The following GPC5 variants were observed in gnomAD, a reference collection of about 807,000 sequenced individuals.
GPC5 encodes the protein glypican-5.
In GPC5, 47 loss-of-function variants were observed where a neutral mutation model predicts 53.9. The observed-to-expected ratio is 0.87, with a 90% CI of 0.69 to 1.11. The LOEUF (loss-of-function observed/expected upper bound fraction) is 1.11, where lower values mean the gene tolerates loss of function less well. Ranked by LOEUF, GPC5 falls within the 50% of genes most tolerant of loss-of-function variation. The pLI, the probability that GPC5 is intolerant of heterozygous loss-of-function variation, is 0.00. For missense variants in GPC5, 748 were observed against 713.1 expected (o/e 1.05, Z -0.56); for synonymous variants, 286 against 263.3 (o/e 1.09, Z -0.84).
At chr13:92,026,178 T>C (rs980440665) in intron 6 of GPC5, among the ~76,000 whole-genome samples, 1 of 152,078 alleles carries the variant, frequency 6.6e-6, no homozygotes, top group South Asian at 2.1e-4. Flanking sequence ...TCTAGAGAAG[T>C]GGTACATATT....
intron 6 of GPC5, among the ~76,000 whole-genome samples, chr13:91,980,602 G>A (rs1347176691): frequency 6.9e-6 from 1 of 145,226 alleles, no homozygotes; most frequent in African/African-American, 2.9e-5. Flanking sequence ...ATCCCTCGAT[G>A]TCCGATGTCC....
At chr13:92,692,761 T>TA in intron 7 of GPC5, among the ~76,000 whole-genome samples, 1 of 143,794 alleles carries the variant, frequency 7.0e-6, no homozygotes, top group South Asian at 2.4e-4. Context: ...GCTATTTTTT[T>TA]TTTTTTTTTT....
chr13:92,673,363 C>A (rs1886821351), intron 7 of GPC5, among the ~76,000 whole-genome samples: 1 of 151,218 alleles, frequency 6.6e-6, no homozygotes, highest in South Asian at 2.1e-4. Context: ...CTCATTGCAA[C>A]CTCCACCTCC....
chr13:91,445,183 C>T (rs1184716151), intron 1 of GPC5, among the ~76,000 whole-genome samples: 1 of 152,178 alleles, frequency 6.6e-6, no homozygotes, highest in Non-Finnish European at 1.5e-5. Context: ...TTCACCTTTT[C>T]ACTTAAGCGA....
In GPC5 at chr13:91,556,674, C is replaced by T. The variant is rs371460140; in HGVS notation, c.325+107752C>T. 2.0e-4 allele frequency among the ~76,000 whole-genome samples: 30 copies of T among 151,818 alleles called. No individual in the cohort carries two copies. The East Asian group carries it at 5.7e-3, about 29-fold the overall frequency. ...AACAAAATGATGGCATTCACAGCAACCTGTATAGAACTGGAGACATTATTC... is the reference window on the plus strand; with the variant it reads ...AACAAAATGATGGCATTCACAGCAATCTGTATAGAACTGGAGACATTATTC... On this transcript the variant is annotated intron_variant, in intron 2 of 7. Transcript: ENST00000377067.
At chr13:92,291,047 G>A (rs956838150) in intron 7 of GPC5, among the ~76,000 whole-genome samples, 13 of 152,290 alleles carry the variant, frequency 8.5e-5, no homozygotes, top group Non-Finnish European at 1.8e-4. Context: ...CAGCTGCTGT[G>A]CTCAATTTCT....
intron 6 of GPC5, among the ~76,000 whole-genome samples, chr13:91,958,962 C>T (rs1186537377): frequency 6.6e-6 from 1 of 151,096 alleles, no homozygotes; most frequent in African/African-American, 2.4e-5. Flanking sequence ...AATAATGCAC[C>T]TTGAGTAACT....
intron 7 of GPC5, among the ~76,000 whole-genome samples, chr13:92,672,276 T>C (rs1224728325): frequency 2.0e-5 from 3 of 152,142 alleles, no homozygotes; most frequent in African/African-American, 4.8e-5. Context: ...GATTGCAAAA[T>C]TTTCAAAACT....
chr13:92,144,798 A>G lies in GPC5; in HGVS notation c.1402-32A>G, dbSNP rs201259149. On this transcript the variant is annotated intron_variant, in intron 6 of 7. Transcript: ENST00000377067. ...AATTCTTATGTTATTCAAATTTGCT[A>G]TTAGTAAAGGCCTTTCTTTATGTAC... 57 of 1,586,812 alleles carry G rather than the reference A, an allele frequency of 3.6e-5. No individual in the cohort carries two copies. The East Asian group carries it at 1.1e-3, about 31-fold the overall frequency.
intron 7 of GPC5, among the ~76,000 whole-genome samples, chr13:92,304,106 A>G (rs1002877272): frequency 6.6e-6 from 1 of 152,096 alleles, no homozygotes; most frequent in African/African-American, 2.4e-5. Context: ...GGTTGGCTGT[A>G]TATGGTGAAC....
At chr13:91,405,489 T>C (rs1215290958) in intron 1 of GPC5, among the ~76,000 whole-genome samples, 3 of 152,192 alleles carry the variant, frequency 2.0e-5, no homozygotes, top group Non-Finnish European at 2.9e-5. Context: ...TATCTTAGCT[T>C]AAATGTCAGC....
chr13:92,680,641 C>G (rs746402903), intron 7 of GPC5, among the ~76,000 whole-genome samples: 3 of 152,034 alleles, frequency 2.0e-5, no homozygotes, highest in Non-Finnish European at 2.9e-5. Flanking sequence ...CACAATGCAC[C>G]TAATGGTTAA....
intron 2 of GPC5, among the ~76,000 whole-genome samples, chr13:91,481,670 G>A (rs535360140): frequency 2.0e-5 from 3 of 152,138 alleles, no homozygotes; most frequent in East Asian, 1.9e-4. Flanking sequence ...CTTAATTATC[G>A]AAAGCTGCTG....
intron 7 of GPC5, among the ~76,000 whole-genome samples, chr13:92,202,187 G>T (rs1351924221): frequency 1.3e-5 from 2 of 152,154 alleles, no homozygotes; most frequent in Non-Finnish European, 2.9e-5. Context: ...TGTAACTGTA[G>T]CTTGGTCATT....
chr13:92,791,285 A>G (rs1876451451), intron 7 of GPC5, among the ~76,000 whole-genome samples: 1 of 152,110 alleles, frequency 6.6e-6, no homozygotes, highest in Admixed American at 6.6e-5. Flanking sequence ...CTAACTAAAA[A>G]TTTAGCTGGG....
intron 5 of GPC5, among the ~76,000 whole-genome samples, chr13:91,816,823 C>G (rs1193162487): frequency 2.0e-5 from 3 of 152,082 alleles, no homozygotes; most frequent in South Asian, 2.1e-4. Context: ...TTGAGGTTAG[C>G]AATCATGTGT....
chr13:91,982,561 A>G (rs2040368939), intron 6 of GPC5, among the ~76,000 whole-genome samples: 1 of 152,214 alleles, frequency 6.6e-6, no homozygotes, highest in African/African-American at 2.4e-5. Flanking sequence ...ATTAACATAC[A>G]AAGAGTGAGT....
intron 7 of GPC5, among the ~76,000 whole-genome samples, chr13:92,738,054 G>C (rs1301523186): frequency 6.6e-6 from 1 of 151,862 alleles, no homozygotes; most frequent in Non-Finnish European, 1.5e-5. Flanking sequence ...ATGAGCCACT[G>C]TGCCTAGCCA....
intron 2 of GPC5, among the ~76,000 whole-genome samples, chr13:91,528,732 A>C (rs933069603): frequency 6.6e-6 from 1 of 152,228 alleles, no homozygotes; most frequent in African/African-American, 2.4e-5. Flanking sequence ...GAAAGGAAAG[A>C]GGTTTAATGG....
Sources: gnomAD v4.1 joint callset for allele counts (sites outside exome capture counted in the v4.1 genomes callset) on GRCh38, gnomAD v4.1.1 for gene constraint, MANE v1.5 for transcripts, NCBI Gene and HGNC (gene_info 2026-07-23, HGNC 2026-07-21) for gene names.